The following SEM1 variants were observed in gnomAD, a reference collection of about 807,000 sequenced individuals.
SEM1 encodes SEM1 26S proteasome subunit.
A neutral mutation model predicts 12.7 loss-of-function variants in SEM1; 3 were observed. That is an observed-to-expected ratio of 0.24 (90% CI 0.11 to 0.61). SEM1 has a LOEUF of 0.61. Among genes scored for constraint, SEM1 ranks in the 20% least tolerant of loss-of-function variants. SEM1 has a pLI of 0.88. For synonymous variants in SEM1, 30 were observed against 27.8 expected, an observed-to-expected ratio of 1.08 and a Z score of -0.25; for missense variants, 59 against 81.3, an observed-to-expected ratio of 0.73 and a Z score of 1.06.
chr7:96,500,558 C>T (rs192671789), upstream of SEM1, among the ~76,000 whole-genome samples: 119 of 152,194 alleles, frequency 7.8e-4, 1 homozygote, highest in Non-Finnish European at 1.4e-3. Flanking sequence ...ACATATGTGT[C>T]CACCTAAGAA....
At chr7:96,663,193 T>G (rs1261766596) in intron 2 of SEM1, among the ~76,000 whole-genome samples, 2 of 151,874 alleles carry the variant, frequency 1.3e-5, no homozygotes, top group African/African-American at 2.4e-5. Context: ...TTAGAAAACA[T>G]GTTGATAACT....
chr7:96,709,543 G>C (rs1790582381), intron 1 of SEM1, 145 bp downstream of exon 1: 6 of 741,094 alleles, frequency 8.1e-6, no homozygotes, highest in Non-Finnish European at 9.2e-6. Flanking sequence ...GCCACTGAGG[G>C]GTGAGCGTTA....
intron 2 of SEM1, among the ~76,000 whole-genome samples, chr7:96,677,567 G>A (rs774598125): frequency 1.3e-4 from 20 of 152,196 alleles, no homozygotes; most frequent in Non-Finnish European, 2.5e-4. Flanking sequence ...AAGTGAGAGA[G>A]TTATTAGAAT....
intron 2 of SEM1, among the ~76,000 whole-genome samples, chr7:96,644,990 G>A (rs1419565786): frequency 6.6e-6 from 1 of 152,034 alleles, no homozygotes; most frequent in East Asian, 1.9e-4. Context: ...ATTATAAAAT[G>A]AGTACATTTA....
intron 2 of SEM1, among the ~76,000 whole-genome samples, chr7:96,587,755 T>C (rs1215473332): frequency 2.0e-5 from 3 of 152,134 alleles, no homozygotes; most frequent in South Asian, 2.1e-4. Flanking sequence ...GGATAGTTTA[T>C]GGTAAAATAA....
chr7:96,654,001 T>C (rs1053893975), intron 2 of SEM1, among the ~76,000 whole-genome samples: 7 of 152,140 alleles, frequency 4.6e-5, no homozygotes, highest in African/African-American at 1.7e-4. Context: ...TTACAGAGAG[T>C]TGTAAACATT....
At chr7:96,669,248 A>G (rs1198135808), downstream of SEM1, among the ~76,000 whole-genome samples, 1 of 152,188 alleles carries the variant, frequency 6.6e-6, no homozygotes, top group Non-Finnish European at 1.5e-5. Flanking sequence ...TTATTTTTCT[A>G]AGTCAGGAGT....
chr7:96,484,938 A>T, intron 2 of SEM1: 1 of 777,810 alleles, frequency 1.3e-6, no homozygotes, highest in Non-Finnish European at 1.9e-6. Context: ...GGAACACCAT[A>T]TCCTACAGTC....
chr7:96,543,552 A>C (rs1805019183), intron 2 of SEM1, among the ~76,000 whole-genome samples: 3 of 151,898 alleles, frequency 2.0e-5, no homozygotes, highest in South Asian at 4.1e-4. Context: ...TGCAAGTTAC[A>C]TTGTTTCTTG....
chr7:96,706,570 CAAAAAAAAAAAA>C (rs67892273), intron 1 of SEM1, among the ~76,000 whole-genome samples: 6 of 78,068 alleles, frequency 7.7e-5, no homozygotes, highest in East Asian at 4.0e-4. Context: ...CTCAAACAAA[CAAAAAAAAAAAA>C]AAAAAAAAAA....
chr7:96,506,998 G>A (rs1162952651), intron 2 of SEM1, among the ~76,000 whole-genome samples: 1 of 151,982 alleles, frequency 6.6e-6, no homozygotes, highest in Admixed American at 6.6e-5. Context: ...AGAAAGAAAT[G>A]AGATCAGGGA....
At chr7:96,499,366 T>C (rs574662307), upstream of SEM1, among the ~76,000 whole-genome samples, 1 of 152,244 alleles carries the variant, frequency 6.6e-6, no homozygotes, top group Non-Finnish European at 1.5e-5. Context: ...AGACTGAGAC[T>C]CTCATAAGTA....
chr7:96,636,039 T>G lies in SEM1; in HGVS notation c.171-13396A>C, dbSNP rs577098493. Among the ~76,000 whole-genome samples, 34 of 152,268 alleles carry G rather than the reference T, an allele frequency of 2.2e-4. No individual in the cohort carries two copies. The South Asian group carries it at 2.7e-3, about 12-fold the overall frequency. ...TTTTCCATAATATACTCTTGTTTAA[T>G]TAAAAGAATCAATGTCTTTTTTAAG... On this transcript the variant is annotated intron_variant, in intron 2 of 2. Coordinates refer to the SEM1 transcript ENST00000417009.
rs1430449740 is a variant in SEM1 at position 96,648,151 on chromosome 7, T to C, written c.171-25508A>G. On this transcript the variant is annotated intron_variant, in intron 2 of 2. Coordinates refer to the SEM1 transcript ENST00000417009. ...TAAAGGGGCCTATTTAAGGGGAAAA[T>C]GGCATTCACAATTTTTGAATACATT... Among the ~76,000 whole-genome samples the C allele has an allele frequency of 3.3e-5, 5 of 152,188 alleles. No homozygotes were observed. In the East Asian group the frequency reaches 9.6e-4, roughly 29 times the overall value.
chr7:96,622,243 A>G (rs1807916646), downstream of SEM1: 1 of 177,854 alleles, frequency 5.6e-6, no homozygotes, highest in Admixed American at 6.3e-5. Flanking sequence ...CACCTAATAA[A>G]CTCACCAGAA....
chr7:96,674,446 T>C (rs1789401697), intron 2 of SEM1, among the ~76,000 whole-genome samples: 1 of 151,962 alleles, frequency 6.6e-6, no homozygotes, highest in African/African-American at 2.4e-5. Context: ...CACTTGAACC[T>C]AGGAGTTAGA....
chr7:96,669,787 A>T (rs1017004895), downstream of SEM1, among the ~76,000 whole-genome samples: 3 of 152,218 alleles, frequency 2.0e-5, no homozygotes, highest in African/African-American at 7.2e-5. Context: ...GTGGTTTTTT[A>T]AAACTCCATT....
At chr7:96,515,312 A>C (rs1804054453) in intron 2 of SEM1, among the ~76,000 whole-genome samples, 1 of 152,236 alleles carries the variant, frequency 6.6e-6, no homozygotes, top group African/African-American at 2.4e-5. Context: ...GATGCAAATC[A>C]AAACCACAAA....
At chr7:96,686,469 A>C (rs1047304024), downstream of SEM1, among the ~76,000 whole-genome samples, 5 of 152,176 alleles carry the variant, frequency 3.3e-5, no homozygotes, top group African/African-American at 1.2e-4. Flanking sequence ...CCATCACTTA[A>C]TACTGTCAGT....
Sources: gnomAD v4.1 joint callset for allele counts (sites outside exome capture counted in the v4.1 genomes callset) on GRCh38, gnomAD v4.1.1 for gene constraint, MANE v1.5 for transcripts, NCBI Gene and HGNC (gene_info 2026-07-23, HGNC 2026-07-21) for gene names.